The following C12orf54 variants were observed in gnomAD, a reference collection of about 807,000 sequenced individuals.
C12orf54 encodes chromosome 12 open reading frame 54.
Under a neutral mutation model 26.4 loss-of-function variants are expected in C12orf54, and 24 were observed. The observed-to-expected ratio is 0.91, with a 90% confidence interval of 0.66 to 1.28. C12orf54 has a LOEUF of 1.28. C12orf54 is among the 50% of genes most tolerant of loss of function. The pLI, the probability that C12orf54 is intolerant of heterozygous loss-of-function variation, is 0.00. For missense variants in C12orf54, 154 were observed against 150.9 expected, an observed-to-expected ratio of 1.02 and a Z score of -0.11; for synonymous variants, 54 against 47.0, an observed-to-expected ratio of 1.15 and a Z score of -0.61.
At chr12:48,473,446 G>C in the C12orf54 span, 1 of 604,144 alleles carries the variant, frequency 1.7e-6, no homozygotes, top group Non-Finnish European at 2.9e-6. Context: ...AATTCCTTTT[G>C]TGATTTTACT....
chr12:48,475,941 T>C, the C12orf54 span, among the ~76,000 whole-genome samples: 1 of 151,546 alleles, frequency 6.6e-6, no homozygotes, highest in Non-Finnish European at 1.5e-5. Flanking sequence ...AGACACATAA[T>C]TGTCAGATTC....
At chr12:48,419,823 G>C in the C12orf54 span, among the ~76,000 whole-genome samples, 6 of 152,076 alleles carry the variant, frequency 3.9e-5, no homozygotes, top group African/African-American at 1.4e-4. Context: ...CTTCACACAG[G>C]AGGAAAAGAA....
chr12:48,450,903 G>A, the C12orf54 span, among the ~76,000 whole-genome samples: 1 of 152,086 alleles, frequency 6.6e-6, no homozygotes, highest in African/African-American at 2.4e-5. Flanking sequence ...GAGGTACAAA[G>A]AAGGGCTGGC....
At chr12:48,474,011 A>G in the C12orf54 span, among the ~76,000 whole-genome samples, 1 of 152,208 alleles carries the variant, frequency 6.6e-6, no homozygotes, top group South Asian at 2.1e-4. Flanking sequence ...AAGAGGACTC[A>G]GATGTTACTC....
chr12:48,483,440 C>A, intron 2 of C12orf54, 79 bp downstream of exon 2: 1 of 1,365,488 alleles, frequency 7.3e-7, no homozygotes. Context: ...CTCCTGTCTT[C>A]TATGGCTCTT....
At chr12:48,456,795 GCTTTTTT>G in the C12orf54 span, among the ~76,000 whole-genome samples, 3 of 152,060 alleles carry the variant, frequency 2.0e-5, no homozygotes, top group African/African-American at 7.2e-5. Flanking sequence ...TTAATTATCA[GCTTTTTT>G]CTTCTTTGGC....
the C12orf54 span, among the ~76,000 whole-genome samples, chr12:48,421,260 G>A: frequency 2.6e-5 from 4 of 152,126 alleles, no homozygotes; most frequent in African/African-American, 7.2e-5. Context: ...TTACAAACAT[G>A]GCAGAAGGCA....
the C12orf54 span, among the ~76,000 whole-genome samples, chr12:48,456,090 A>T: frequency 6.6e-6 from 1 of 152,238 alleles, no homozygotes; most frequent in South Asian, 2.1e-4. Flanking sequence ...TCAATAAATT[A>T]TCATTTAAAA....
At chr12:48,453,361 G>A in the C12orf54 span, among the ~76,000 whole-genome samples, 1 of 151,514 alleles carries the variant, frequency 6.6e-6, no homozygotes, top group Non-Finnish European at 1.5e-5. Flanking sequence ...GGAAGAGGGA[G>A]AGGATCAGGA....
chr12:48,495,073 C>A, intron 8 of C12orf54, 94 bp downstream of exon 8: 3 of 894,966 alleles, frequency 3.4e-6, no homozygotes, highest in East Asian at 2.5e-5. Context: ...CCCAACATGG[C>A]AGGGCAGCAC....
At chr12:48,443,661 C>G in the C12orf54 span, among the ~76,000 whole-genome samples, 1 of 152,156 alleles carries the variant, frequency 6.6e-6, no homozygotes, top group Non-Finnish European at 1.5e-5. Context: ...GTGATCTATT[C>G]AGATTCAGGT....
rs1006235910 is a variant in C12orf54, at chr12:48,494,878, G to T, written c.323G>T (p.Gly108Val). The T allele has an allele frequency of 6.2e-7, 1 of 1,613,150 alleles. No individual in the cohort carries two copies. ...QFSSGEQPSGGRIHNLKTQLF... is the reference protein window; with the variant it reads ...QFSSGEQPSGVRIHNLKTQLF... ...AGCTCTGGAGAGCAGCCATCAGGAG[G>T]CCGTATCCACAACCTGAAGACACAG... Residue 108 changes from glycine (G) to valine (V), a missense_variant, in exon 8 of 9, where the codon GGC becomes GTC. Transcript: ENST00000548364.
chr12:48,478,116 C>A (rs1013387311), upstream of C12orf54, among the ~76,000 whole-genome samples: 1 of 152,116 alleles, frequency 6.6e-6, no homozygotes, highest in Non-Finnish European at 1.5e-5. Flanking sequence ...TAAATGTAAT[C>A]CAGCATATGA....
the C12orf54 span, among the ~76,000 whole-genome samples, chr12:48,466,331 G>A: frequency 2.6e-5 from 4 of 152,122 alleles, no homozygotes; most frequent in Non-Finnish European, 5.9e-5. Context: ...ATCACCTGAG[G>A]TCTGGAGTTC....
intron 8 of C12orf54, 143 bp downstream of exon 8, chr12:48,495,122 TG>T (rs1937884522): frequency 6.6e-6 from 4 of 609,468 alleles, no homozygotes; most frequent in Non-Finnish European, 1.1e-5. Flanking sequence ...GGCAATAGGG[TG>T]AGAGGGTGGA....
chr12:48,416,626 C>A, the C12orf54 span, among the ~76,000 whole-genome samples: 1 of 152,106 alleles, frequency 6.6e-6, no homozygotes, highest in African/African-American at 2.4e-5. Flanking sequence ...CTTTGGGAGG[C>A]CGAGACAGGT....
the C12orf54 span, among the ~76,000 whole-genome samples, chr12:48,453,103 T>C: frequency 1.8e-4 from 27 of 152,094 alleles, no homozygotes; most frequent in East Asian, 9.6e-4. Flanking sequence ...TGCCCATCAA[T>C]GATAGACTGG....
chr12:48,473,415 G>A, the C12orf54 span: 1 of 724,092 alleles, frequency 1.4e-6, no homozygotes, highest in Non-Finnish European at 2.3e-6. Context: ...CGATGCCTAA[G>A]TGGAATAATC....
chr12:48,459,571 T>C, the C12orf54 span, among the ~76,000 whole-genome samples: 1 of 152,138 alleles, frequency 6.6e-6, no homozygotes, highest in Non-Finnish European at 1.5e-5. Context: ...AATAGAACTT[T>C]CCGATTTTCG....
Sources: allele counts gnomAD v4.1 joint callset (sites outside exome capture counted in the v4.1 genomes callset), GRCh38; gene constraint gnomAD v4.1.1; transcripts MANE v1.5; gene names NCBI Gene and HGNC (gene_info 2026-07-23, HGNC 2026-07-21).